The following PTPRD variants were observed in gnomAD, a reference collection of about 807,000 sequenced individuals.
PTPRD encodes the protein receptor-type tyrosine-protein phosphatase delta.
In PTPRD, 34 loss-of-function variants were observed where a neutral mutation model predicts 214.5. That is an observed-to-expected ratio of 0.16 (90% CI 0.12 to 0.21). PTPRD has a LOEUF of 0.21. PTPRD is among the 10% of genes least tolerant of loss of function. PTPRD has a pLI of 1.00. For missense variants in PTPRD, 2,545 were observed against 2,398.7 expected (o/e 1.06, Z -1.27); for synonymous variants, 1,128 against 845.7 (o/e 1.33, Z -5.79).
At chr9:8,787,905 C>CTAG (rs1555339779) in intron 11 of PTPRD, among the ~76,000 whole-genome samples, 2 of 151,642 alleles carry the variant, frequency 1.3e-5, no homozygotes, top group South Asian at 2.1e-4. Context: ...CATTTTGCAC[C>CTAG]CTATCACCTT....
At chr9:9,082,278 C>G (rs1360889737) in intron 10 of PTPRD, among the ~76,000 whole-genome samples, 1 of 152,124 alleles carries the variant, frequency 6.6e-6, no homozygotes, top group African/African-American at 2.4e-5. Flanking sequence ...TTAGCTTCAT[C>G]CCTGGGACAC....
In PTPRD at chr9:9,117,237, T is replaced by TTTTG. The variant is rs762711027; in HGVS notation, c.-143+66066_-143+66067insCAAA. Among the ~76,000 whole-genome samples the TTTTG allele has an allele frequency of 4.1e-3, 598 of 147,532 alleles. 4 individuals carry two copies. The highest frequency in any genetic ancestry group is 0.014 in the African/African-American group (541 of 38,248). ...GAAATTAAGTTTTTTTTTTTTTTTG[T>TTTTG]ACTTTCAGGGTATGATTAACTTATA... is the stretch of plus-strand genomic sequence containing the variant. On this transcript the variant is annotated intron_variant, in intron 10 of 45. Coordinates refer to ENST00000381196, the MANE Select transcript of PTPRD (RefSeq NM_002839.4).
chr9:9,006,657 A>G (rs2099470203), intron 11 of PTPRD, among the ~76,000 whole-genome samples: 1 of 152,046 alleles, frequency 6.6e-6, no homozygotes, highest in Admixed American at 6.6e-5. Context: ...TGGTCTAACC[A>G]TAATTTTAGG....
At chr9:8,940,471 T>TTG in intron 11 of PTPRD, among the ~76,000 whole-genome samples, 1 of 139,486 alleles carries the variant, frequency 7.2e-6, no homozygotes, top group Non-Finnish European at 1.5e-5. Flanking sequence ...TTTGGTATTT[T>TTG]TAATAGAGAC....
intron 2 of PTPRD, among the ~76,000 whole-genome samples, chr9:10,486,354 T>C (rs1368402422): frequency 6.6e-6 from 1 of 152,190 alleles, no homozygotes; most frequent in Non-Finnish European, 1.5e-5. Context: ...AGTTAATTTT[T>C]GTATAAGGTA....
intron 11 of PTPRD, among the ~76,000 whole-genome samples, chr9:8,911,740 C>A (rs1241398560): frequency 6.6e-6 from 1 of 151,632 alleles, no homozygotes; most frequent in Non-Finnish European, 1.5e-5. Context: ...AAATGACCCA[C>A]AAATGAAGAA....
At chr9:9,130,270 T>C (rs1258186440) in intron 10 of PTPRD, among the ~76,000 whole-genome samples, 39 of 152,132 alleles carry the variant, frequency 2.6e-4, no homozygotes. Context: ...ATGATGAAAA[T>C]AAATGATTAC....
In PTPRD at chr9:8,317,321, A is replaced by G. The variant is rs1376805215; in HGVS notation, c.*553T>C. ...GATACATTTTGTTAAAAAAAAGTTT[A>G]CACAGTTAGAAATGAAGCACAGGTC... On this transcript the variant is annotated 3_prime_UTR_variant, in exon 46 of 46. Coordinates refer to ENST00000381196, the MANE Select transcript of PTPRD (RefSeq NM_002839.4). 4.3e-6 allele frequency: 1 copy of G among 231,874 alleles called. No individual in the cohort carries two copies. The highest frequency in any genetic ancestry group is 8.5e-6 in the Non-Finnish European group (1 of 117,264). The allele number at this position is 231,874 out of a possible 1,614,324, so 14.4% of individuals were successfully genotyped here.
At chr9:8,848,658 T>C (rs1461042787) in intron 11 of PTPRD, among the ~76,000 whole-genome samples, 1 of 152,068 alleles carries the variant, frequency 6.6e-6, no homozygotes, top group African/African-American at 2.4e-5. Flanking sequence ...TTGGGCGTAC[T>C]TGCCTGGACG....
intron 11 of PTPRD, among the ~76,000 whole-genome samples, chr9:8,820,133 C>T (rs2097020330): frequency 6.6e-6 from 1 of 152,110 alleles, no homozygotes; most frequent in Non-Finnish European, 1.5e-5. Context: ...CTAACACTTT[C>T]TATATATACA....
chr9:9,978,120 G>A (rs1359094528), intron 4 of PTPRD, among the ~76,000 whole-genome samples: 1 of 61,116 alleles, frequency 1.6e-5, no homozygotes, highest in Non-Finnish European at 4.0e-5. Context: ...ACACACGTGG[G>A]AGAAAGTGAT....
At chr9:8,604,495 A>G (rs370408736) in intron 14 of PTPRD, among the ~76,000 whole-genome samples, 1 of 152,184 alleles carries the variant, frequency 6.6e-6, no homozygotes, top group African/African-American at 2.4e-5. Flanking sequence ...AGATAAGGGT[A>G]AGTCCAAGAT....
intron 2 of PTPRD, among the ~76,000 whole-genome samples, chr9:10,610,357 C>T (rs2080634813): frequency 1.3e-5 from 2 of 152,116 alleles, no homozygotes; most frequent in Non-Finnish European, 2.9e-5. Context: ...CAAATATTTG[C>T]TTTCAGAAAT....
At chr9:9,659,750 A>C (rs1450469915) in intron 7 of PTPRD, among the ~76,000 whole-genome samples, 7 of 152,086 alleles carry the variant, frequency 4.6e-5, no homozygotes, top group African/African-American at 1.7e-4. Flanking sequence ...AAGGTGATTC[A>C]ATCTCATCAC....
At chr9:9,426,145 T>C (rs1442109588) in intron 8 of PTPRD, among the ~76,000 whole-genome samples, 1 of 152,118 alleles carries the variant, frequency 6.6e-6, no homozygotes, top group Non-Finnish European at 1.5e-5. Context: ...GGTTGGGGAA[T>C]TCCCTTTCCT....
intron 5 of PTPRD, among the ~76,000 whole-genome samples, chr9:9,879,412 A>C (rs543263220): frequency 6.6e-6 from 1 of 152,200 alleles, no homozygotes; most frequent in East Asian, 1.9e-4. Context: ...TCCCTCCCCC[A>C]GTGAGAAACA....
chr9:9,812,166 C>A (rs964063417), intron 5 of PTPRD, among the ~76,000 whole-genome samples: 5 of 151,980 alleles, frequency 3.3e-5, no homozygotes, highest in Non-Finnish European at 5.9e-5. Context: ...CTATTTCACA[C>A]TTCATAGACC....
intron 5 of PTPRD, among the ~76,000 whole-genome samples, chr9:9,845,717 C>T (rs144414769): frequency 1.3e-5 from 2 of 152,064 alleles, no homozygotes; most frequent in East Asian, 1.9e-4. Flanking sequence ...AGCAAGAGGA[C>T]GTGAAATCAA....
chr9:8,609,875 A>C lies in PTPRD; in HGVS notation c.352+23442T>G, dbSNP rs1228299182. ...CCTTATACAAATAATATAAAGGAGA[A>C]AAAATTCAGTATATTTCCTACATTA... On this transcript the variant is annotated intron_variant, in intron 14 of 45. Transcript: ENST00000381196. Among the ~76,000 whole-genome samples the C allele has an allele frequency of 2.6e-5, 4 of 152,296 alleles. No individual in the cohort carries two copies. In the East Asian group the frequency reaches 7.7e-4, roughly 29 times the overall value.
Sources: allele counts gnomAD v4.1 joint callset (sites outside exome capture counted in the v4.1 genomes callset), GRCh38; gene constraint gnomAD v4.1.1; transcripts MANE v1.5; gene names NCBI Gene and HGNC (gene_info 2026-07-23, HGNC 2026-07-21).